The following CDK14 variants were observed in gnomAD, a reference collection of about 807,000 sequenced individuals.
The protein encoded by CDK14 is cyclin-dependent kinase 14.
A neutral mutation model predicts 60.7 loss-of-function variants in CDK14; 34 were observed. The observed-to-expected ratio is 0.56, with a 90% confidence interval of 0.43 to 0.75. The LOEUF (loss-of-function observed/expected upper bound fraction) is 0.75. CDK14 is among the 30% of genes least tolerant of loss of function. The probability of loss-of-function intolerance (pLI) is 0.00; values close to 1 mark genes in which losing one functional copy is unlikely to be tolerated. For synonymous variants in CDK14, 197 were observed against 203.7 expected (o/e 0.97, Z 0.28); for missense variants, 482 against 564.1 (o/e 0.85, Z 1.47).
intron 7 of CDK14, among the ~76,000 whole-genome samples, chr7:90,909,510 T>G (rs1792820757): frequency 6.9e-6 from 1 of 145,230 alleles, no homozygotes; most frequent in South Asian, 2.2e-4. Context: ...CTAGATCTTC[T>G]TTTACAGAAC....
chr7:90,891,236 G>A (rs1032381458), intron 6 of CDK14, among the ~76,000 whole-genome samples: 6 of 152,180 alleles, frequency 3.9e-5, no homozygotes, highest in Non-Finnish European at 8.8e-5. Context: ...ACCTGGAAGA[G>A]GTTGGAGTGT....
chr7:91,096,950 T>C (rs1312357206), intron 12 of CDK14, among the ~76,000 whole-genome samples: 1 of 152,160 alleles, frequency 6.6e-6, no homozygotes, highest in African/African-American at 2.4e-5. Context: ...AAAAGAAAAG[T>C]CTACACCCTC....
intron 2 of CDK14, among the ~76,000 whole-genome samples, chr7:90,705,913 G>T (rs1414659931): frequency 2.0e-5 from 3 of 151,982 alleles, no homozygotes; most frequent in East Asian, 1.9e-4. Context: ...ATCAGTTGAA[G>T]ATTAGATTGT....
At chr7:91,147,160 TCTCACACACA>T (rs1464317480) in intron 14 of CDK14, among the ~76,000 whole-genome samples, 199 of 107,730 alleles carry the variant, frequency 1.8e-3, no homozygotes, top group African/African-American at 4.8e-3. Flanking sequence ...TCTCTCTCTC[TCTCACACACA>T]CACACACACA....
chr7:91,082,727 G>C (rs574503960), intron 12 of CDK14, among the ~76,000 whole-genome samples: 1 of 152,234 alleles, frequency 6.6e-6, no homozygotes, highest in South Asian at 2.1e-4. Flanking sequence ...ATATTTTAAA[G>C]GTGACTTGCT....
chr7:90,963,651 C>G (rs1054381682), intron 9 of CDK14, among the ~76,000 whole-genome samples: 58 of 146,394 alleles, frequency 4.0e-4, no homozygotes, highest in African/African-American at 1.4e-3. Context: ...AAATTATGTG[C>G]GTATTGAGGG....
intron 5 of CDK14, among the ~76,000 whole-genome samples, chr7:90,798,326 CA>C (rs1788515468): frequency 6.6e-6 from 1 of 152,008 alleles, no homozygotes; most frequent in African/African-American, 2.4e-5. Context: ...TATCTGGAAG[CA>C]AAAGGCATCA....
rs745916616 is a variant in CDK14, at chr7:91,002,042, T to A, written c.1041+17801T>A. ...GGTTGTTGGAAGACCCAACCTGTAG[T>A]CCCGTCTATTTGTAACTGGGTTTAA... On this transcript the variant is annotated intron_variant, in intron 10 of 14. Transcript: ENST00000380050. 5.0e-4 allele frequency among the ~76,000 whole-genome samples: 76 copies of A among 152,344 alleles called. No homozygotes were observed. The Middle Eastern group carries it at 0.014, about 27-fold the overall frequency.
chr7:91,109,661 A>C (rs1046463211), intron 12 of CDK14, among the ~76,000 whole-genome samples: 2 of 152,130 alleles, frequency 1.3e-5, no homozygotes, highest in Non-Finnish European at 2.9e-5. Flanking sequence ...GATGAGGATT[A>C]TTTAATTGGA....
intron 9 of CDK14, among the ~76,000 whole-genome samples, chr7:90,965,206 G>T (rs1220899711): frequency 6.6e-6 from 1 of 152,000 alleles, no homozygotes; most frequent in Non-Finnish European, 1.5e-5. Context: ...GTCCTAAGAT[G>T]GTTATTCTCT....
chr7:91,027,768 TCC>T (rs1796617515), intron 10 of CDK14, among the ~76,000 whole-genome samples: 2 of 1,528 alleles, frequency 1.3e-3, no homozygotes, highest in South Asian at 0.038. Context: ...GCCTCTCCTC[TCC>T]CCTCCCCTCC....
intron 10 of CDK14, among the ~76,000 whole-genome samples, chr7:91,036,846 A>C (rs1796948983): frequency 6.6e-6 from 1 of 152,162 alleles, no homozygotes; most frequent in Admixed American, 6.5e-5. Flanking sequence ...TTGGTGCCCC[A>C]ACCCCTGCAT....
intron 4 of CDK14, among the ~76,000 whole-genome samples, chr7:90,780,560 A>T (rs1805269596): frequency 7.0e-6 from 1 of 142,982 alleles, no homozygotes; most frequent in South Asian, 2.4e-4. Context: ...TATCTCCTAA[A>T]GCTATCCCTC....
chr7:90,824,243 A>G (rs928214639), intron 5 of CDK14, among the ~76,000 whole-genome samples: 1 of 87,946 alleles, frequency 1.1e-5, no homozygotes, highest in Admixed American at 1.3e-4. Flanking sequence ...AATCCACACA[A>G]CTACTCTGGG....
At chr7:90,964,701 AT>A (rs1794704010) in intron 9 of CDK14, among the ~76,000 whole-genome samples, 1 of 151,972 alleles carries the variant, frequency 6.6e-6, no homozygotes, top group African/African-American at 2.4e-5. Context: ...CTATTCATTG[AT>A]TTACTATTTT....
intron 2 of CDK14, among the ~76,000 whole-genome samples, chr7:90,639,832 C>G (rs1183081948): frequency 6.6e-6 from 1 of 152,126 alleles, no homozygotes; most frequent in African/African-American, 2.4e-5. Context: ...GGCGGGCGCC[C>G]CTCCCCCAGC....
At chr7:90,886,029 AGAAG>A (rs1791935712) in intron 6 of CDK14, among the ~76,000 whole-genome samples, 1 of 152,202 alleles carries the variant, frequency 6.6e-6, no homozygotes, top group Non-Finnish European at 1.5e-5. Flanking sequence ...GTTTTTCTTT[AGAAG>A]AAATAAATAA....
At chr7:90,922,821 G>T (rs1793290427) in intron 8 of CDK14, among the ~76,000 whole-genome samples, 1 of 152,036 alleles carries the variant, frequency 6.6e-6, no homozygotes, top group South Asian at 2.1e-4. Flanking sequence ...ATAAATATTT[G>T]AGAGCATTTT....
intron 5 of CDK14, among the ~76,000 whole-genome samples, chr7:90,801,845 A>G (rs112177598): frequency 1.8e-4 from 28 of 152,322 alleles, no homozygotes; most frequent in African/African-American, 6.5e-4. Flanking sequence ...TTTGGTTATA[A>G]CTGAAATTAT....
Sources: allele counts gnomAD v4.1 joint callset (sites outside exome capture counted in the v4.1 genomes callset), GRCh38; gene constraint gnomAD v4.1.1; transcripts MANE v1.5; gene names NCBI Gene and HGNC (gene_info 2026-07-23, HGNC 2026-07-21).